The following BCR variants were observed in gnomAD, a reference collection of about 807,000 sequenced individuals.
The protein encoded by BCR is BCR activator of RhoGEF and GTPase.
In BCR, 58 loss-of-function variants were observed where a neutral mutation model predicts 138.6. The ratio of observed to expected loss-of-function variants is 0.42; its 90% CI spans 0.34 to 0.52. The LOEUF is 0.52. BCR is among the 20% of genes least tolerant of loss of function. BCR has a pLI of 0.06. For missense variants in BCR, 1,599 were observed against 1,727.2 expected (o/e 0.93, Z 1.32); for synonymous variants, 786 against 730.1 (o/e 1.08, Z -1.23).
chr22:23,209,760 G>A (rs1040959217), intron 1 of BCR, among the ~76,000 whole-genome samples: 6 of 151,950 alleles, frequency 3.9e-5, no homozygotes, highest in African/African-American at 1.5e-4. Flanking sequence ...AGCCAGGATG[G>A]TCTTGATCTC....
chr22:23,244,646 T>C (rs911611555), intron 1 of BCR, among the ~76,000 whole-genome samples: 6 of 152,198 alleles, frequency 3.9e-5, no homozygotes, highest in African/African-American at 1.4e-4. Context: ...TGTGCGGTGC[T>C]CACCATTCCA....
Position 23,181,258 on chromosome 22 carries a change from G to A in BCR, c.298G>A (p.Ala100Thr). Residue 100 changes from alanine (A) to threonine (T), a missense_variant, in exon 1 of 23, where the codon GCG becomes ACG. By Grantham distance (58) the Ala-to-Thr change is moderately conservative. This residue lies in a region of BCR where 806 missense variants were observed against 635.0 expected (regional missense o/e 1.27). Transcript: ENST00000305877. Reference sequence around the variant, plus strand: ...AGCGTCCGCGTCGCGCCCGCAGCCAGCGCCCGCCGACGGAGCCGACCCGCC... The same window carrying A: ...AGCGTCCGCGTCGCGCCCGCAGCCAACGCCCGCCGACGGAGCCGACCCGCC... Reference protein sequence around the residue: ...PRASASRPQPAPADGADPPPA... With the variant: ...PRASASRPQPTPADGADPPPA... The A allele has an allele frequency of 1.6e-6, 2 of 1,249,324 alleles. No homozygotes were observed. Among genetic ancestry groups the A allele is most frequent in the Non-Finnish European group, 2.0e-6 (2 of 990,524 alleles). 77.4% of individuals were successfully genotyped at this position (1,249,324 alleles called of 1,614,324 possible). A position where few individuals can be genotyped will look rare whatever the true frequency, so the allele number is the denominator to read the frequency against.
intron 1 of BCR, among the ~76,000 whole-genome samples, chr22:23,207,914 G>A (rs1025712855): frequency 6.6e-6 from 1 of 152,148 alleles, no homozygotes; most frequent in African/African-American, 2.4e-5. Flanking sequence ...CCTACACCCC[G>A]TGTGTGCCTG....
intron 1 of BCR, among the ~76,000 whole-genome samples, chr22:23,240,399 C>G (rs2073076400): frequency 6.6e-6 from 1 of 150,952 alleles, no homozygotes; most frequent in Non-Finnish European, 1.5e-5. Flanking sequence ...CGCCTGTAAT[C>G]CCAGCACTTT....
At chr22:23,284,571 T>C (rs1457568019) in intron 9 of BCR, among the ~76,000 whole-genome samples, 2 of 152,158 alleles carry the variant, frequency 1.3e-5, no homozygotes, top group Non-Finnish European at 2.9e-5. Context: ...AGCACGGGGC[T>C]CTTTCCTGCA....
At chr22:23,307,041 C>T (rs2146324347) in intron 16 of BCR, among the ~76,000 whole-genome samples, 1 of 152,322 alleles carries the variant, frequency 6.6e-6, no homozygotes, top group Non-Finnish European at 1.5e-5. Context: ...GATGGCTGTT[C>T]TTTGAAGGAA....
intron 2 of BCR, among the ~76,000 whole-genome samples, chr22:23,259,808 A>T (rs2073336929): frequency 6.6e-6 from 1 of 152,132 alleles, no homozygotes; most frequent in Non-Finnish European, 1.5e-5. Flanking sequence ...GGCGTGAGAC[A>T]TTGAGCCTGG....
intron 7 of BCR, 88 bp from the exon 8 acceptor site, chr22:23,273,546 C>T: frequency 1.3e-6 from 2 of 1,567,372 alleles, no homozygotes; most frequent in South Asian, 2.3e-5. Flanking sequence ...GCTCTGGGCT[C>T]CGTCCACACT....
rs567775066 is a variant in BCR at position 23,253,956 on chromosome 22, G to T, written c.1437G>T (p.Ser479=). ...KGRGSRDALV[S]GALESTKASE... ...GGGGCAGCCGGGATGCGCTGGTCTC[G>T]GGAGCCCTGGAGTCCACTAAAGCGG... Residue 479 remains serine, a synonymous_variant, in exon 2 of 23, where the codon TCG becomes TCT. Coordinates refer to ENST00000305877, the MANE Select transcript of BCR (RefSeq NM_004327.4). 6.2e-7 allele frequency: 1 copy of T among 1,612,634 alleles called. No homozygotes were observed. Among genetic ancestry groups the T allele is most frequent in the African/African-American group, 1.3e-5 (1 of 74,894 alleles).
Position 23,309,493 on chromosome 22 carries a change from C to T in BCR, c.3072+10C>T, listed in dbSNP as rs529842675. On this transcript the variant is annotated intron_variant, in intron 17 of 22. Coordinates refer to ENST00000305877, the MANE Select transcript of BCR (RefSeq NM_004327.4). ...CATCGCCATGAATGGGGTACGTGTCCGTGGGACTCTCCTGGTGCCCACTTC... is the reference window on the plus strand; with the variant it reads ...CATCGCCATGAATGGGGTACGTGTCTGTGGGACTCTCCTGGTGCCCACTTC... 19 of 1,589,310 alleles carry T rather than the reference C, an allele frequency of 1.2e-5. No individual in the cohort carries two copies. The highest frequency in any genetic ancestry group is 5.7e-5 in the South Asian group (5 of 87,580).
At chr22:23,192,095 G>A (rs966952310) in intron 1 of BCR, among the ~76,000 whole-genome samples, 5 of 152,206 alleles carry the variant, frequency 3.3e-5, no homozygotes, top group Admixed American at 3.3e-4. Flanking sequence ...TCCTGGGGCT[G>A]GGGTGTGAAG....
At chr22:23,241,535 G>A (rs1039128136) in intron 1 of BCR, among the ~76,000 whole-genome samples, 1 of 152,072 alleles carries the variant, frequency 6.6e-6, no homozygotes. Flanking sequence ...TCCTTTGAAG[G>A]GCACTACCCA....
chr22:23,273,658 A>G lies in BCR; in HGVS notation c.1999A>G (p.Ser667Gly), dbSNP rs1316587983. The change falls in exon 8 of 23, where the codon AGC becomes GGC. Residue 667 changes from serine to glycine, a missense_variant. Ser to Gly is a moderately conservative substitution (Grantham distance 56). Coordinates refer to ENST00000305877, the MANE Select transcript of BCR (RefSeq NM_004327.4). Reference protein sequence around the residue: ...LHDLLKHTPASHPDHPLLQDA... With the variant: ...LHDLLKHTPAGHPDHPLLQDA... ...GGACTTGCTGAAGCACACTCCTGCCAGCCACCCTGACCACCCCTTGCTGCA... is the reference window on the plus strand; with the variant it reads ...GGACTTGCTGAAGCACACTCCTGCCGGCCACCCTGACCACCCCTTGCTGCA... The G allele has an allele frequency of 5.6e-6, 9 of 1,613,868 alleles. No homozygotes were observed. The highest frequency in any genetic ancestry group is 7.6e-6 in the Non-Finnish European group (9 of 1,180,044).
intron 1 of BCR, among the ~76,000 whole-genome samples, chr22:23,237,479 C>T (rs1041937325): frequency 1.3e-5 from 2 of 152,210 alleles, no homozygotes; most frequent in Non-Finnish European, 2.9e-5. Flanking sequence ...ATGACAGTTT[C>T]GAGTTTCAGG....
At chr22:23,196,464 C>T (rs950336848) in intron 1 of BCR, among the ~76,000 whole-genome samples, 1 of 152,150 alleles carries the variant, frequency 6.6e-6, no homozygotes, top group Non-Finnish European at 1.5e-5. Flanking sequence ...GAGGGTATTC[C>T]AGGCAGGGAA....
rs35812689 is a variant in BCR, at chr22:23,312,944, C to T, written c.3380C>T (p.Thr1127Met). Residue 1127 changes from threonine to methionine, a missense_variant, in exon 20 of 23, where the codon ACG becomes ATG. Thr to Met is a moderately conservative substitution (Grantham distance 81, BLOSUM62 -1). This residue lies in a region of BCR where 177 missense variants were observed against 226.4 expected (regional missense o/e 0.78). Coordinates refer to ENST00000305877, the MANE Select transcript of BCR (RefSeq NM_004327.4). ...ATGGACGTGAACGCCATCGCAGGCA[C>T]GCTGAAGCTGTACTTCCGTGAGCTG... ...SEMDVNAIAG[T>M]LKLYFRELPE... 1.2e-5 allele frequency: 19 copies of T among 1,591,638 alleles called. No homozygotes were observed. Among genetic ancestry groups the T allele is most frequent in the Admixed American group, 1.7e-5 (1 of 59,954 alleles).
chr22:23,286,931 T>C (rs1395794583), intron 10 of BCR, among the ~76,000 whole-genome samples: 7 of 152,226 alleles, frequency 4.6e-5, no homozygotes, highest in Non-Finnish European at 1.0e-4. Context: ...AAAGGTTTAC[T>C]GAGCATGTCC....
chr22:23,189,865 C>T (rs549056054), intron 1 of BCR, among the ~76,000 whole-genome samples: 30 of 152,320 alleles, frequency 2.0e-4, no homozygotes, highest in African/African-American at 7.0e-4. Context: ...TGTTCTCTTC[C>T]GGAAAACACC....
intron 8 of BCR, among the ~76,000 whole-genome samples, chr22:23,277,655 A>G (rs1162978857): frequency 6.6e-6 from 1 of 152,058 alleles, no homozygotes; most frequent in Non-Finnish European, 1.5e-5. Context: ...GCCTCCTGGG[A>G]GGTGGCCCAT....
Sources: gnomAD v4.1 joint callset for allele counts (sites outside exome capture counted in the v4.1 genomes callset) on GRCh38, gnomAD v4.1.1 for gene constraint, gnomAD v4.1.1 regional missense constraint, MANE v1.5 for transcripts, NCBI Gene and HGNC (gene_info 2026-07-23, HGNC 2026-07-21) for gene names.